The following BRMS1L variants were observed in gnomAD, a reference collection of about 807,000 sequenced individuals.
The protein encoded by BRMS1L is breast cancer metastasis-suppressor 1-like protein.
In BRMS1L, 23 loss-of-function variants were observed where a neutral mutation model predicts 50.3. That is an observed-to-expected ratio of 0.46 (90% CI 0.33 to 0.65). The LOEUF is 0.65. BRMS1L is among the 30% of genes least tolerant of loss of function. The probability of loss-of-function intolerance (pLI) is 0.02; values close to 1 mark genes in which losing one functional copy is unlikely to be tolerated. For synonymous variants in BRMS1L, 114 were observed against 126.9 expected (o/e 0.90, Z 0.69); for missense variants, 286 against 386.1 (o/e 0.74, Z 2.17).
intron 1 of BRMS1L, chr14:35,826,906 C>T (rs974265642): frequency 3.9e-6 from 2 of 517,724 alleles, no homozygotes; most frequent in Non-Finnish European, 6.6e-6. Flanking sequence ...GTGGTCCTGC[C>T]CCCGGTGGTG....
intron 4 of BRMS1L, among the ~76,000 whole-genome samples, chr14:35,859,010 C>G (rs370669893): frequency 1.2e-4 from 18 of 150,552 alleles, no homozygotes; most frequent in African/African-American, 4.1e-4. Context: ...GGTGCAATCT[C>G]GGATCACTGC....
At chr14:35,837,636 T>C (rs2078011603) in intron 4 of BRMS1L, among the ~76,000 whole-genome samples, 1 of 152,078 alleles carries the variant, frequency 6.6e-6, no homozygotes, top group African/African-American at 2.4e-5. Context: ...CTGCATCCTC[T>C]GCCTCCCGAG....
At chr14:35,868,316 C>T (rs1217134746) in intron 9 of BRMS1L, among the ~76,000 whole-genome samples, 1 of 152,106 alleles carries the variant, frequency 6.6e-6, no homozygotes, top group Admixed American at 6.6e-5. Flanking sequence ...GTAGGTGAAT[C>T]GTTAGGATCG....
intron 4 of BRMS1L, among the ~76,000 whole-genome samples, chr14:35,835,395 A>G (rs750574777): frequency 5.9e-5 from 9 of 152,182 alleles, no homozygotes; most frequent in Non-Finnish European, 1.2e-4. Context: ...TTTGCATTTA[A>G]CCCATTTATG....
At chr14:35,847,385 A>G (rs1266888556) in intron 4 of BRMS1L, among the ~76,000 whole-genome samples, 1 of 152,144 alleles carries the variant, frequency 6.6e-6, no homozygotes, top group East Asian at 1.9e-4. Flanking sequence ...CACTGAAGCC[A>G]CAAACTCGAG....
At chr14:35,830,762 A>G (rs1427033310) in intron 1 of BRMS1L, among the ~76,000 whole-genome samples, 2 of 152,226 alleles carry the variant, frequency 1.3e-5, no homozygotes, top group East Asian at 3.8e-4. Flanking sequence ...GGACACAGTC[A>G]TTTTGGTGCT....
intron 4 of BRMS1L, among the ~76,000 whole-genome samples, chr14:35,855,851 A>G (rs1210476725): frequency 6.6e-6 from 1 of 152,208 alleles, no homozygotes; most frequent in African/African-American, 2.4e-5. Flanking sequence ...ATTATGGAAT[A>G]GGAATTATCT....
intron 4 of BRMS1L, among the ~76,000 whole-genome samples, chr14:35,853,585 G>GA (rs75689401): frequency 1.3e-3 from 178 of 138,136 alleles, no homozygotes; most frequent in East Asian, 2.5e-3. Context: ...GGCTAATTAA[G>GA]AAAAAAAAAA....
intron 1 of BRMS1L, 76 bp downstream of exon 1, chr14:35,826,734 T>C: frequency 6.4e-7 from 1 of 1,560,576 alleles, no homozygotes; most frequent in Non-Finnish European, 8.7e-7. Flanking sequence ...GCCAGGCGGC[T>C]GCGTCCTGCT....
chr14:35,831,570 C>T, intron 2 of BRMS1L, 70 bp downstream of exon 2: 1 of 1,085,252 alleles, frequency 9.2e-7, no homozygotes, highest in South Asian at 1.3e-5. Context: ...AGCACAAGAG[C>T]AACTAGATTC....
rs2078442705 is a variant in BRMS1L at position 35,867,978 on chromosome 14, G to T, written c.800G>T (p.Trp267Leu). 1.2e-6 allele frequency: 2 copies of T among 1,611,494 alleles called. No individual in the cohort carries two copies. Among genetic ancestry groups the T allele is most frequent in the Non-Finnish European group, 1.7e-6 (2 of 1,179,054 alleles). ...GGAAGACTATATTATGATGGTGAAT[G>T]GTATATACGTGGACAAACAATATGT... ...EEGRLYYDGE[W>L]YIRGQTICID... The change falls in exon 9 of 10, where the codon TGG becomes TTG. Residue 267 changes from tryptophan (W) to leucine (L), a missense_variant. This residue lies in a region of BRMS1L where 160 missense variants were observed against 240.6 expected (regional missense o/e 0.66). Transcript: ENST00000216807.
chr14:35,843,257 C>T (rs1007373395), intron 4 of BRMS1L, among the ~76,000 whole-genome samples: 8 of 152,232 alleles, frequency 5.3e-5, no homozygotes, highest in African/African-American at 1.4e-4. Context: ...GGAGAAGAGG[C>T]GTTCTGGTTT....
intron 4 of BRMS1L, among the ~76,000 whole-genome samples, chr14:35,844,250 C>T (rs1036017814): frequency 6.6e-6 from 1 of 152,180 alleles, no homozygotes; most frequent in Non-Finnish European, 1.5e-5. Context: ...AAAGCTCCTA[C>T]AGCTAGCCCG....
chr14:35,870,338 A>G, intron 9 of BRMS1L, 22 bp from the exon 10 acceptor site: 2 of 1,378,564 alleles, frequency 1.5e-6, no homozygotes, highest in Non-Finnish European at 2.0e-6. Context: ...TCATTCATTC[A>G]TTCTTTTTTT....
chr14:35,828,745 C>T (rs72668494), intron 1 of BRMS1L, among the ~76,000 whole-genome samples: 15,690 of 151,980 alleles, frequency 0.1, 1,056 homozygotes, highest in Non-Finnish European at 0.15. Context: ...TGTGAGCCAC[C>T]GTGCCTGGCC....
rs1331989843 is a variant in BRMS1L at position 35,851,958 on chromosome 14, G to C, written c.442-10632G>C. 2.0e-5 allele frequency among the ~76,000 whole-genome samples: 3 copies of C among 152,292 alleles called. No individual in the cohort carries two copies. The East Asian group carries it at 5.8e-4, about 29-fold the overall frequency. On this transcript the variant is annotated intron_variant, in intron 4 of 9. Transcript: ENST00000216807. ...AGATCGCTTGACTATACATGGATGGGTTTATTTCAGGGCTCCCTATTCTGT... is the reference window on the plus strand; with the variant it reads ...AGATCGCTTGACTATACATGGATGGCTTTATTTCAGGGCTCCCTATTCTGT...
rs368212603 is a variant in BRMS1L at position 35,833,117 on chromosome 14, A to C, written c.361+12A>C. 2.3e-4 allele frequency: 374 copies of C among 1,606,000 alleles called. No homozygotes were observed. Among genetic ancestry groups the C allele is most frequent in the Non-Finnish European group, 3.1e-4 (364 of 1,175,184 alleles). ...TACAAAGGTAGCAGGTAGGAAAGTG[A>C]AGAATCTTTTCCATATATAGAATGT... On this transcript the variant is annotated intron_variant, in intron 3 of 9. Coordinates refer to ENST00000216807, the MANE Select transcript of BRMS1L (RefSeq NM_032352.4).
At chr14:35,863,736 C>CTA in intron 5 of BRMS1L, 134 bp from the exon 6 acceptor site, 1 of 688,698 alleles carries the variant, frequency 1.5e-6, no homozygotes, top group Non-Finnish European at 2.5e-6. Flanking sequence ...ACAGCTTAAT[C>CTA]TATATATACC....
At chr14:35,829,371 C>G (rs755644813) in intron 1 of BRMS1L, among the ~76,000 whole-genome samples, 2 of 152,174 alleles carry the variant, frequency 1.3e-5, no homozygotes, top group Non-Finnish European at 2.9e-5. Context: ...TATGTTGACT[C>G]TTGTGATTTT....
Sources: allele counts gnomAD v4.1 joint callset (sites outside exome capture counted in the v4.1 genomes callset), GRCh38; gene constraint gnomAD v4.1.1; regional missense constraint gnomAD v4.1.1; transcripts MANE v1.5; gene names NCBI Gene and HGNC (gene_info 2026-07-23, HGNC 2026-07-21).